KALRN: variants seen among roughly 807,000 people sequenced by gnomAD.
KALRN encodes kalirin.
KALRN carries 70 observed loss-of-function variants against 353.7 expected under a neutral mutation model. The ratio of observed to expected loss-of-function variants is 0.20; its 90% CI spans 0.16 to 0.24. KALRN has a LOEUF of 0.24. Ranked by LOEUF, KALRN falls within the 10% of genes least tolerant of loss-of-function variation. The pLI, the probability that KALRN is intolerant of heterozygous loss-of-function variation, is 1.00. For missense variants in KALRN, 2,791 were observed against 3,756.7 expected, an observed-to-expected ratio of 0.74 and a Z score of 6.72; for synonymous variants, 1,391 against 1,434.8, an observed-to-expected ratio of 0.97 and a Z score of 0.69.
At chr3:124,654,757 C>T (rs1341475294) in intron 38 of KALRN, among the ~76,000 whole-genome samples, 1 of 152,206 alleles carries the variant, frequency 6.6e-6, no homozygotes, top group Non-Finnish European at 1.5e-5. Flanking sequence ...CCTGGCTCTG[C>T]TACTCACTTT....
chr3:124,249,086 G>C (rs1550751), intron 3 of KALRN, among the ~76,000 whole-genome samples: 143,248 of 152,344 alleles, frequency 0.94, 67,991 homozygotes, highest in East Asian at 1. Flanking sequence ...AAGGAGTGCT[G>C]CATTGGGAAG....
At chr3:124,273,945 C>G (rs1421423045) in intron 5 of KALRN, among the ~76,000 whole-genome samples, 3 of 152,200 alleles carry the variant, frequency 2.0e-5, no homozygotes, top group Non-Finnish European at 2.9e-5. Flanking sequence ...TCTGGCCACC[C>G]CTCCAGTTGT....
intron 1 of KALRN, among the ~76,000 whole-genome samples, chr3:124,114,351 T>C (rs2063269530): frequency 6.6e-6 from 1 of 152,170 alleles, no homozygotes; most frequent in Non-Finnish European, 1.5e-5. Context: ...TGGGCTCACA[T>C]CTGAGCCCTG....
chr3:124,224,866 A>G (rs1321687756), intron 1 of KALRN, among the ~76,000 whole-genome samples: 1 of 152,242 alleles, frequency 6.6e-6, no homozygotes, highest in Non-Finnish European at 1.5e-5. Flanking sequence ...AGAGCTGAGT[A>G]GTACCCTGGA....
At chr3:124,456,762 C>T in intron 23 of KALRN, 34 bp downstream of exon 23, 1 of 1,468,070 alleles carries the variant, frequency 6.8e-7, no homozygotes. Flanking sequence ...TAGCTGGCTC[C>T]CCGTGACTAT....
chr3:124,594,944 T>C (rs1269064822), intron 34 of KALRN, among the ~76,000 whole-genome samples: 1 of 152,048 alleles, frequency 6.6e-6, no homozygotes, highest in Admixed American at 6.5e-5. Context: ...CTTTTTTCTT[T>C]TTCTTTCCTT....
intron 23 of KALRN, among the ~76,000 whole-genome samples, chr3:124,460,257 T>A (rs923350067): frequency 6.6e-6 from 1 of 152,176 alleles, no homozygotes; most frequent in African/African-American, 2.4e-5. Flanking sequence ...AGAGGCGTCA[T>A]AATTCAGCCC....
intron 49 of KALRN, 130 bp from the exon 50 acceptor site, chr3:124,678,060 G>A (rs2087390567): frequency 1.0e-6 from 1 of 953,506 alleles, no homozygotes; most frequent in African/African-American, 1.6e-5. Context: ...TGGTGTGCAG[G>A]TTTGGGGCCT....
intron 1 of KALRN, among the ~76,000 whole-genome samples, chr3:124,150,049 CA>C: frequency 6.6e-6 from 1 of 152,170 alleles, no homozygotes; most frequent in East Asian, 1.9e-4. Flanking sequence ...TGAAGCCTTC[CA>C]AAGATCCTGA....
At position 124,042,751 on chromosome 3, in the gene KALRN, G is replaced by A. The variant is rs138566210; in HGVS notation, c.73+8938G>A. Among the ~76,000 whole-genome samples, 6 of 152,244 alleles carry A rather than the reference G, an allele frequency of 3.9e-5. No homozygotes were observed. The East Asian group carries it at 9.6e-4, about 24-fold the overall frequency. On this transcript the variant is annotated intron_variant, in intron 1 of 59. Coordinates refer to ENST00000682506, the MANE Select transcript of KALRN (RefSeq NM_001388419.1). Reference sequence around the variant, plus strand: ...ATTTGGAGAATTTGCTTTGGGACATGTTGCATTTCAGGTGTCAGTGAAATA... The same window carrying A: ...ATTTGGAGAATTTGCTTTGGGACATATTGCATTTCAGGTGTCAGTGAAATA...
In KALRN at chr3:124,337,507, T is replaced by C. The variant is rs535520181; in HGVS notation, c.1647+3012T>C. ...AGGGATGGAGCTGACTTGATCATGGTGGATAAGCTTTTGGATGTGCTGCTG... is the reference window on the plus strand; with the variant it reads ...AGGGATGGAGCTGACTTGATCATGGCGGATAAGCTTTTGGATGTGCTGCTG... On this transcript the variant is annotated intron_variant, in intron 9 of 59. Coordinates refer to ENST00000682506, the MANE Select transcript of KALRN (RefSeq NM_001388419.1). Among the ~76,000 whole-genome samples the C allele has an allele frequency of 2.0e-5, 3 of 152,326 alleles. No individual in the cohort carries two copies. The South Asian group carries it at 6.2e-4, about 32-fold the overall frequency.
intron 14 of KALRN, among the ~76,000 whole-genome samples, chr3:124,414,716 AG>A (rs1305719250): frequency 6.6e-6 from 1 of 152,176 alleles, no homozygotes; most frequent in African/African-American, 2.4e-5. Context: ...TCACATCTCA[AG>A]GGAGTGCTAG....
At chr3:124,407,683 A>G (rs1453023535) in intron 13 of KALRN, 1 of 152,266 alleles carries the variant, frequency 6.6e-6, no homozygotes, top group East Asian at 1.9e-4. Flanking sequence ...TTAAAAATGT[A>G]CTATACTGTG....
chr3:124,706,701 C>G (rs1045699318), intron 57 of KALRN, among the ~76,000 whole-genome samples: 4 of 152,108 alleles, frequency 2.6e-5, no homozygotes, highest in Non-Finnish European at 4.4e-5. Flanking sequence ...TCCCGAGCAG[C>G]TGGAATTACA....
intron 55 of KALRN, among the ~76,000 whole-genome samples, chr3:124,698,208 G>A (rs1490566456): frequency 6.6e-6 from 1 of 152,104 alleles, no homozygotes; most frequent in Non-Finnish European, 1.5e-5. Context: ...ACTCCTGAGC[G>A]CAAACAGTCC....
intron 34 of KALRN, among the ~76,000 whole-genome samples, chr3:124,574,382 T>C (rs889958256): frequency 2.2e-4 from 33 of 152,354 alleles, no homozygotes; most frequent in African/African-American, 7.9e-4. Context: ...TTTGCTTATG[T>C]TAAATGCCAA....
At chr3:124,564,456 G>A (rs966913836) in intron 34 of KALRN, among the ~76,000 whole-genome samples, 1 of 152,044 alleles carries the variant, frequency 6.6e-6, no homozygotes, top group African/African-American at 2.4e-5. Flanking sequence ...TGGGAGGCTG[G>A]CTTGAGGCTA....
intron 6 of KALRN, among the ~76,000 whole-genome samples, chr3:124,311,257 C>T (rs1038018447): frequency 6.6e-6 from 1 of 151,296 alleles, no homozygotes; most frequent in African/African-American, 2.4e-5. Context: ...GTCAGGAGTT[C>T]GAGACCAGCC....
At chr3:124,118,260 A>G (rs2063642673) in intron 1 of KALRN, among the ~76,000 whole-genome samples, 1 of 151,952 alleles carries the variant, frequency 6.6e-6, no homozygotes, top group Non-Finnish European at 1.5e-5. Context: ...GACAGGACAG[A>G]GGGACTACAG....
Sources: gnomAD v4.1 joint callset for allele counts (sites outside exome capture counted in the v4.1 genomes callset) on GRCh38, gnomAD v4.1.1 for gene constraint, MANE v1.5 for transcripts, NCBI Gene and HGNC (gene_info 2026-07-23, HGNC 2026-07-21) for gene names.